SLC8A1: variants seen among roughly 807,000 people sequenced by gnomAD.
SLC8A1 encodes the protein sodium/calcium exchanger 1.
Under a neutral mutation model 68.3 loss-of-function variants are expected in SLC8A1, and 18 were observed. That is an observed-to-expected ratio of 0.26 (90% CI 0.18 to 0.39). The LOEUF is 0.39. Ranked by LOEUF, SLC8A1 falls within the 10% of genes least tolerant of loss-of-function variation. The pLI is 1.00. For synonymous variants in SLC8A1, 475 were observed against 415.5 expected (o/e 1.14, Z -1.74); for missense variants, 985 against 1,156.7 (o/e 0.85, Z 2.15).
At chr2:40,495,347 A>G (rs904011388) in intron 1 of SLC8A1, among the ~76,000 whole-genome samples, 6 of 152,062 alleles carry the variant, frequency 3.9e-5, no homozygotes, top group Non-Finnish European at 5.9e-5. Context: ...GCCTGAAAGC[A>G]AAAGTGTTTT....
intron 4 of SLC8A1, among the ~76,000 whole-genome samples, chr2:40,168,319 C>T (rs17025364): frequency 0.033 from 5,016 of 151,996 alleles, 299 homozygotes; most frequent in African/African-American, 0.11. Context: ...AGAAGATTGC[C>T]GCCCGGTGAA....
intron 2 of SLC8A1, among the ~76,000 whole-genome samples, chr2:40,207,048 C>A (rs552444956): frequency 6.6e-6 from 1 of 152,018 alleles, no homozygotes; most frequent in South Asian, 2.1e-4. Context: ...AGATAAAAAT[C>A]TATTTAATTA....
chr2:40,106,090 C>T (rs2034180601), exon 8 of SLC8A1: 1 of 152,242 alleles, frequency 6.6e-6, no homozygotes, highest in South Asian at 2.1e-4. Context: ...TTAAGAGCAT[C>T]TCCCTTTGCT....
intron 1 of SLC8A1, among the ~76,000 whole-genome samples, chr2:40,451,675 G>A (rs947154057): frequency 2.2e-4 from 33 of 151,272 alleles, no homozygotes; most frequent in African/African-American, 8.0e-4. Context: ...GCACCAGCCC[G>A]AGCAATTTCA....
intron 4 of SLC8A1, among the ~76,000 whole-genome samples, 168 bp from the exon 8 acceptor site, chr2:40,165,152 T>C (rs931568734): frequency 1.3e-5 from 2 of 152,196 alleles, no homozygotes; most frequent in African/African-American, 4.8e-5. Flanking sequence ...ACTTGGCATG[T>C]AAGGCAGCAT....
At chr2:40,421,959 G>A (rs1471108805) in intron 2 of SLC8A1, among the ~76,000 whole-genome samples, 2 of 152,156 alleles carry the variant, frequency 1.3e-5, no homozygotes, top group African/African-American at 4.8e-5. Flanking sequence ...GTTAATTGCT[G>A]CTTTCCCTCC....
intron 2 of SLC8A1, among the ~76,000 whole-genome samples, chr2:40,329,462 A>G (rs2149367974): frequency 6.6e-6 from 1 of 152,348 alleles, no homozygotes; most frequent in Admixed American, 6.5e-5. Context: ...CTGTTTGTTA[A>G]ATGGCTATTG....
At position 40,280,251 on chromosome 2, in the gene SLC8A1, T is replaced by TAAAAA. The variant is rs67427562; in HGVS notation, c.1809-102401_1809-102397dup. On this transcript the variant is annotated intron_variant, in intron 2 of 7. Coordinates refer to ENST00000406785, the Ensembl canonical transcript of SLC8A1. ...TGATAAAACCTGAGGAAATAAACAC[T>TAAAAA]AAAAAAAAAAAAAAAAAAAAAAGGT... is the stretch of plus-strand genomic sequence containing the variant. Among the ~76,000 whole-genome samples the TAAAAA allele has an allele frequency of 2.4e-4, 23 of 94,456 alleles. 1 individual carries two copies. Among genetic ancestry groups the TAAAAA allele is most frequent in the Middle Eastern group, 8.1e-3 (1 of 124 alleles). 62.0% of individuals were successfully genotyped at this position (94,456 alleles called of 152,430 possible).
intron 2 of SLC8A1, among the ~76,000 whole-genome samples, chr2:40,326,986 T>C (rs746668178): frequency 2.0e-5 from 3 of 152,314 alleles, no homozygotes; most frequent in South Asian, 2.1e-4. Flanking sequence ...AGGTCCTCCA[T>C]AGGAAACAAA....
At chr2:40,187,412 T>A (rs950567900) in intron 2 of SLC8A1, among the ~76,000 whole-genome samples, 1 of 152,184 alleles carries the variant, frequency 6.6e-6, no homozygotes, top group African/African-American at 2.4e-5. Context: ...GATCTTTTGG[T>A]ATTGTCAAAT....
intron 2 of SLC8A1, among the ~76,000 whole-genome samples, chr2:40,370,873 C>T (rs78638635): frequency 6.6e-6 from 1 of 152,028 alleles, no homozygotes; most frequent in South Asian, 2.1e-4. Flanking sequence ...ACTGGAGACA[C>T]TGAGAAAGTA....
chr2:40,255,820 G>T (rs1199972799), intron 2 of SLC8A1, among the ~76,000 whole-genome samples: 1 of 152,102 alleles, frequency 6.6e-6, no homozygotes, highest in Admixed American at 6.6e-5. Flanking sequence ...TGATATACTT[G>T]TCACATCAAT....
intron 2 of SLC8A1, among the ~76,000 whole-genome samples, chr2:40,427,434 A>C (rs1017976138): frequency 6.6e-6 from 1 of 152,116 alleles, no homozygotes; most frequent in Non-Finnish European, 1.5e-5. Flanking sequence ...CCAGTGCTTC[A>C]ACCAACATAA....
exon 2 of SLC8A1, chr2:40,428,580 T>C: frequency 6.2e-7 from 1 of 1,613,896 alleles, no homozygotes; most frequent in Non-Finnish European, 8.5e-7. Flanking sequence ...TAACATTTCC[T>C]CGAGCTCCAG....
At chr2:40,504,089 A>G (rs1402808797) in intron 1 of SLC8A1, among the ~76,000 whole-genome samples, 3 of 152,112 alleles carry the variant, frequency 2.0e-5, no homozygotes, top group Admixed American at 1.3e-4. Flanking sequence ...ACAGCAGGTT[A>G]CTGGCATAAA....
intron 2 of SLC8A1, among the ~76,000 whole-genome samples, chr2:40,246,891 C>G (rs149990593): frequency 6.6e-6 from 1 of 152,038 alleles, no homozygotes; most frequent in Non-Finnish European, 1.5e-5. Flanking sequence ...TGTGAAAACA[C>G]AGTAGCTACC....
chr2:40,107,484 A>G (rs1002055560), exon 8 of SLC8A1: 2 of 152,048 alleles, frequency 1.3e-5, no homozygotes, highest in African/African-American at 2.4e-5. Flanking sequence ...AAGAAACTCT[A>G]ATTGGCCCTA....
chr2:40,322,340 G>A (rs190399378), intron 2 of SLC8A1, among the ~76,000 whole-genome samples: 2 of 151,756 alleles, frequency 1.3e-5, no homozygotes, highest in Admixed American at 1.3e-4. Flanking sequence ...TGAAGGAAAA[G>A]GACACCATAA....
At chr2:40,442,544 C>A (rs912415068) in intron 1 of SLC8A1, among the ~76,000 whole-genome samples, 1 of 152,090 alleles carries the variant, frequency 6.6e-6, no homozygotes, top group African/African-American at 2.4e-5. Context: ...CAAATCAAAA[C>A]CACAATGAGA....
Sources: allele counts gnomAD v4.1 joint callset (sites outside exome capture counted in the v4.1 genomes callset), GRCh38; gene constraint gnomAD v4.1.1; transcripts MANE v1.5; gene names NCBI Gene and HGNC (gene_info 2026-07-23, HGNC 2026-07-21).